Variants in ASPA observed in about 807,000 individuals in gnomAD.
The protein encoded by ASPA is aspartoacylase, also known as ACY-2.
Under a neutral mutation model 29.6 loss-of-function variants are expected in ASPA, and 25 were observed. The observed-to-expected ratio is 0.85, with a 90% CI of 0.62 to 1.18. The LOEUF is 1.18. ASPA is among the 50% of genes most tolerant of loss of function. The probability of loss-of-function intolerance (pLI) is 0.00; values close to 1 mark genes in which losing one functional copy is unlikely to be tolerated. For missense variants in ASPA, 333 were observed against 385.7 expected (o/e 0.86, Z 1.14); for synonymous variants, 131 against 130.3 (o/e 1.01, Z -0.04).
At position 3,502,535 on chromosome 17, in the gene ASPA, G is replaced by A. The variant is rs574547244; in HGVS notation, c.*3447G>A. On this transcript the variant is annotated 3_prime_UTR_variant, in exon 6 of 6. Transcript: ENST00000263080. ...ACTTCAGCATTCGTTGCGAAATCCA[G>A]AGGAGACTTTTAAGTGCTGTTTTGT... The A allele has an allele frequency of 5.3e-5, 8 of 152,352 alleles. No homozygotes were observed. Among genetic ancestry groups the A allele is most frequent in the South Asian group, 4.1e-4 (2 of 4,830 alleles). 9.4% of individuals were successfully genotyped at this position (152,352 alleles called of 1,614,324 possible). A position where few individuals can be genotyped will look rare whatever the true frequency, so the allele number is the denominator to read the frequency against.
In ASPA at chr17:3,489,312, G is replaced by T. The variant is rs147763700; in HGVS notation, c.604G>T (p.Ala202Ser). 6.2e-7 allele frequency: 1 copy of T among 1,612,922 alleles called. No homozygotes were observed. The highest frequency in any genetic ancestry group is 1.3e-5 in the African/African-American group (1 of 74,858). Residue 202 changes from alanine (A) to serine (S), a missense_variant, in exon 4 of 6, where the codon GCT (alanine) becomes TCT (serine). Ala to Ser is a moderately conservative substitution (Grantham distance 99). Coordinates refer to ENST00000263080, the MANE Select transcript of ASPA (RefSeq NM_000049.4). Reference sequence around the variant, plus strand: ...TCAAATGAGAAAAATGATTAAACATGCTCTTGATTTTATACATCATTTCAA... The same window carrying T: ...TCAAATGAGAAAAATGATTAAACATTCTCTTGATTTTATACATCATTTCAA... ...LDQMRKMIKH[A>S]LDFIHHFNEG...
intron 1 of ASPA, among the ~76,000 whole-genome samples, chr17:3,477,484 G>A (rs139132692): frequency 2.6e-4 from 39 of 151,770 alleles, no homozygotes; most frequent in East Asian, 2.3e-3. Flanking sequence ...ATGGAGTTTC[G>A]CTCTTGTTGC....
rs2073626890 is a variant in ASPA at position 3,481,555 on chromosome 17, TATCTC to T, written c.237-46_237-42del. On this transcript the variant is annotated intron_variant, in intron 1 of 5. Transcript: ENST00000263080. ...CTGTGTTCTTATTATATGTTTATAT[TATCTC>T]AGGCACAGATGTTGTTCATCTTTTT... The T allele has an allele frequency of 2.0e-6, 3 of 1,523,170 alleles. No homozygotes were observed. In the East Asian group the frequency reaches 6.8e-5, roughly 35 times the overall value. 94.4% of individuals were successfully genotyped at this position (1,523,170 alleles called of 1,614,324 possible).
Position 3,490,668 on chromosome 17 carries a change from T to C in ASPA, c.634+1326T>C, listed in dbSNP as rs6502727. On this transcript the variant is annotated intron_variant, in intron 4 of 5. Transcript: ENST00000263080. The surrounding 1 kb of genome is among the most constrained non-coding windows in gnomAD (Gnocchi z 4.6). Reference sequence around the variant, plus strand: ...CAGGTTCTATACTGTCTAATGGAACTGGTTTTGAGAAGATCACAACATACT... The same window carrying C: ...CAGGTTCTATACTGTCTAATGGAACCGGTTTTGAGAAGATCACAACATACT... Among the ~76,000 whole-genome samples, 77,467 of 152,018 alleles carry C rather than the reference T, an allele frequency of 0.51. 20,320 individuals carry two copies. Among genetic ancestry groups the C allele is most frequent in the Middle Eastern group, 0.61 (179 of 294 alleles).
chr17:3,477,546 G>C (rs927431773), intron 1 of ASPA, among the ~76,000 whole-genome samples: 1 of 151,948 alleles, frequency 6.6e-6, no homozygotes, highest in South Asian at 2.1e-4. Context: ...CTCCACCTCC[G>C]GGTTAAAGTG....
intron 3 of ASPA, among the ~76,000 whole-genome samples, chr17:3,487,339 AACAGC>A (rs2150751987): frequency 6.6e-6 from 1 of 152,346 alleles, no homozygotes; most frequent in African/African-American, 2.4e-5. Flanking sequence ...TTCCAAATAA[AACAGC>A]AAAGTTGGAA....
Position 3,490,867 on chromosome 17 carries a change from C to G in ASPA, c.634+1525C>G, listed in dbSNP as rs188966597. ...GTTCCTGGAACACCCCACCCCTTAA[C>G]CCCTTATCTCTGCTTCAACCAGAGC... On this transcript the variant is annotated intron_variant, in intron 4 of 5. Transcript: ENST00000263080. The surrounding 1 kb of genome is among the most constrained non-coding windows in gnomAD (Gnocchi z 4.6). 1.3e-5 allele frequency among the ~76,000 whole-genome samples: 2 copies of G among 152,286 alleles called. No individual in the cohort carries two copies. Among genetic ancestry groups the G allele is most frequent in the African/African-American group, 4.8e-5 (2 of 41,574 alleles).
At chr17:3,494,212 C>G in intron 4 of ASPA, 138 bp from the exon 5 acceptor site, 2 of 670,484 alleles carry the variant, frequency 3.0e-6, no homozygotes, top group Non-Finnish European at 5.6e-6. Flanking sequence ...CCATGTTGGC[C>G]AGGCTGTTCT....
chr17:3,488,437 AC>A lies in ASPA; in HGVS notation c.527-796del, dbSNP rs1401782485. Among the ~76,000 whole-genome samples, 45 of 152,282 alleles carry A rather than the reference AC, an allele frequency of 3.0e-4. No individual in the cohort carries two copies. The highest frequency in any genetic ancestry group is 1.1e-3 in the African/African-American group (44 of 41,546). ...TTGGGGAAGCCGAGAAGGGCAGATT[AC>A]CTGCGGTCAGGAGTTTGAGACCAGC... is the stretch of plus-strand genomic sequence containing the variant. On this transcript the variant is annotated intron_variant, in intron 3 of 5. Coordinates refer to ENST00000263080, the MANE Select transcript of ASPA (RefSeq NM_000049.4). The surrounding 1 kb of genome is among the most constrained non-coding windows in gnomAD (Gnocchi z 6.1).
intron 3 of ASPA, among the ~76,000 whole-genome samples, chr17:3,486,537 T>A (rs2073725128): frequency 6.6e-6 from 1 of 152,164 alleles, no homozygotes; most frequent in Non-Finnish European, 1.5e-5. Context: ...TCTGGTAACT[T>A]CCAACATGCA....
In ASPA at chr17:3,476,069, C is replaced by T. The variant is rs1019066825; in HGVS notation, c.-91C>T. 50 of 1,221,176 alleles carry T rather than the reference C, an allele frequency of 4.1e-5. No homozygotes were observed. Among genetic ancestry groups the T allele is most frequent in the Admixed American group, 7.1e-5 (4 of 56,518 alleles). 75.6% of individuals were successfully genotyped at this position (1,221,176 alleles called of 1,614,324 possible). On this transcript the variant is annotated 5_prime_UTR_variant, in exon 1 of 6. Transcript: ENST00000263080. The stretch of plus-strand genomic sequence containing the variant: ...GTACTTTGCCCTTTGGGTAAAGTCT[C>T]ATTTACATTTCTAAACCTTTCTTAA...
chr17:3,494,058 C>T (rs952724666), intron 4 of ASPA, among the ~76,000 whole-genome samples: 1 of 143,510 alleles, frequency 7.0e-6, no homozygotes, highest in East Asian at 2.0e-4. Flanking sequence ...TTTTTTGAGA[C>T]AGAGTTTCAC....
chr17:3,487,825 G>T (rs2073754348), intron 3 of ASPA, among the ~76,000 whole-genome samples: 2 of 152,164 alleles, frequency 1.3e-5, no homozygotes, highest in South Asian at 4.1e-4. Flanking sequence ...AGAAACAGGA[G>T]GAAAGTGAAA....
chr17:3,494,965 C>T (rs1172929008), intron 5 of ASPA, among the ~76,000 whole-genome samples: 1 of 152,062 alleles, frequency 6.6e-6, no homozygotes, highest in African/African-American at 2.4e-5. Flanking sequence ...TGCTACCTCC[C>T]TGTGACAGAA....
chr17:3,491,620 C>T (rs1442519971), intron 4 of ASPA, among the ~76,000 whole-genome samples: 6 of 151,908 alleles, frequency 3.9e-5, no homozygotes, highest in African/African-American at 1.2e-4. Flanking sequence ...TGGTGGCATG[C>T]GCCTATAATT....
Position 3,500,577 on chromosome 17 carries a change from A to G in ASPA, c.*1489A>G, listed in dbSNP as rs571255214. Reference sequence around the variant, plus strand: ...GAGTGCAGTGGCGCAATCTCGGCTCACTGCAAGCTCCGCCTCCCAGGTTCA... The same window carrying G: ...GAGTGCAGTGGCGCAATCTCGGCTCGCTGCAAGCTCCGCCTCCCAGGTTCA... On this transcript the variant is annotated 3_prime_UTR_variant, in exon 6 of 6. Coordinates refer to ENST00000263080, the MANE Select transcript of ASPA (RefSeq NM_000049.4). The G allele has an allele frequency of 6.6e-6, 1 of 151,902 alleles. No homozygotes were observed. Among genetic ancestry groups the G allele is most frequent in the Non-Finnish European group, 1.5e-5 (1 of 68,012 alleles). The allele number at this position is 151,902 out of a possible 1,614,324, so 9.4% of individuals were successfully genotyped here.
chr17:3,475,206 G>T (rs1429360880), upstream of ASPA, among the ~76,000 whole-genome samples: 1 of 152,140 alleles, frequency 6.6e-6, no homozygotes, highest in African/African-American at 2.4e-5. Context: ...TCTCCAAAGG[G>T]ATGTAATCAT....
At chr17:3,491,112 G>A (rs2073817194) in intron 4 of ASPA, among the ~76,000 whole-genome samples, 1 of 152,124 alleles carries the variant, frequency 6.6e-6, no homozygotes, top group South Asian at 2.1e-4. Flanking sequence ...TTAGTGACTT[G>A]GATAAAGACA....
chr17:3,475,145 C>T (rs566941219), upstream of ASPA, among the ~76,000 whole-genome samples: 1 of 152,318 alleles, frequency 6.6e-6, no homozygotes, highest in East Asian at 1.9e-4. Context: ...ACATATGTGA[C>T]TTTCTGGGTG....
Sources: allele counts gnomAD v4.1 joint callset (sites outside exome capture counted in the v4.1 genomes callset), GRCh38; gene constraint gnomAD v4.1.1; non-coding constraint Gnocchi (gnomAD v3.1); transcripts MANE v1.5; gene names NCBI Gene and HGNC (gene_info 2026-07-23, HGNC 2026-07-21).